Variants in STK31 observed in about 807,000 individuals in gnomAD.
The protein encoded by STK31 is serine/threonine kinase 31.
In STK31, 89 loss-of-function variants were observed where a neutral mutation model predicts 129.7. That is an observed-to-expected ratio of 0.69 (90% confidence interval 0.58 to 0.82). The LOEUF (loss-of-function observed/expected upper bound fraction) is 0.82. STK31 is among the 40% of genes least tolerant of loss of function. The pLI, the probability that STK31 is intolerant of heterozygous loss-of-function variation, is 0.00. For synonymous variants in STK31, 448 were observed against 395.3 expected, an observed-to-expected ratio of 1.13 and a Z score of -1.58; for missense variants, 1,187 against 1,176.4, an observed-to-expected ratio of 1.01 and a Z score of -0.13.
intron 22 of STK31, among the ~76,000 whole-genome samples, chr7:23,802,387 A>G (rs556979871): frequency 6.6e-6 from 1 of 152,348 alleles, no homozygotes; most frequent in Non-Finnish European, 1.5e-5. Flanking sequence ...TTGTTTATCC[A>G]GCAAGGTCTG....
intron 3 of STK31, among the ~76,000 whole-genome samples, chr7:23,715,648 A>T (rs570619107): frequency 2.5e-4 from 38 of 151,962 alleles, no homozygotes; most frequent in Non-Finnish European, 4.9e-4. Context: ...AGTTATATGG[A>T]ATATTTTGAT....
chr7:23,766,207 G>T (rs1026265664), intron 11 of STK31, among the ~76,000 whole-genome samples: 3 of 152,084 alleles, frequency 2.0e-5, no homozygotes, highest in Non-Finnish European at 4.4e-5. Context: ...AAGTTCAAAG[G>T]CCATGTTTCC....
At chr7:23,824,874 G>C (rs1465062021) in intron 23 of STK31, among the ~76,000 whole-genome samples, 4 of 151,568 alleles carry the variant, frequency 2.6e-5, no homozygotes, top group African/African-American at 4.9e-5. Context: ...TTTTGTCTTT[G>C]GTTCTGTTTA....
chr7:23,771,142 C>A lies in STK31; in HGVS notation c.1833+18C>A, dbSNP rs913068287. The stretch of plus-strand genomic sequence containing the variant: ...GTATTGAGGTTTGATTGTGCTTTCT[C>A]TTATTGATCTTATAAATTGATGATT... On this transcript the variant is annotated intron_variant, in intron 14 of 23. Coordinates refer to ENST00000355870, the MANE Select transcript of STK31 (RefSeq NM_031414.5). 3.3e-6 allele frequency: 5 copies of A among 1,526,524 alleles called. No individual in the cohort carries two copies. Among genetic ancestry groups the A allele is most frequent in the Non-Finnish European group, 4.4e-6 (5 of 1,143,352 alleles). The allele number at this position is 1,526,524 out of a possible 1,614,324, so 94.6% of individuals were successfully genotyped here.
intron 6 of STK31, 121 bp from the exon 7 acceptor site, chr7:23,735,417 C>T (rs1787659078): frequency 3.5e-6 from 3 of 855,210 alleles, no homozygotes; most frequent in Non-Finnish European, 5.4e-6. Flanking sequence ...TTATAGCCAA[C>T]AGCAAAGTAA....
At chr7:23,754,207 CA>C in intron 9 of STK31, 107 bp from the exon 10 acceptor site, 1 of 1,064,794 alleles carries the variant, frequency 9.4e-7, no homozygotes, top group Non-Finnish European at 1.3e-6. Flanking sequence ...CCTTCAAAGC[CA>C]GTGCTGTAAA....
In STK31 at chr7:23,772,413, T is replaced by C. The variant is rs1046815530; in HGVS notation, c.1965+135T>C. 6.9e-6 allele frequency: 6 copies of C among 874,074 alleles called. No individual in the cohort carries two copies. The African/African-American group carries it at 8.9e-5, about 13-fold the overall frequency. The allele number at this position is 874,074 out of a possible 1,614,324, so 54.1% of individuals were successfully genotyped here. A position where few individuals can be genotyped will look rare whatever the true frequency, so the allele number is the denominator to read the frequency against. On this transcript the variant is annotated intron_variant, in intron 15 of 23. Coordinates refer to ENST00000355870, the MANE Select transcript of STK31 (RefSeq NM_031414.5). ...CATTCACATTTTGTTTTATATACTT[T>C]ATCTTGTTTTCTGTGTATATAAATA... is the stretch of plus-strand genomic sequence containing the variant.
rs1787112091 is a variant in STK31 at position 23,726,794 on chromosome 7, C to T, written c.250-447C>T. 6.6e-5 allele frequency among the ~76,000 whole-genome samples: 10 copies of T among 152,060 alleles called. No homozygotes were observed. The South Asian group carries it at 2.1e-3, about 32-fold the overall frequency. On this transcript the variant is annotated intron_variant, in intron 4 of 23. Coordinates refer to ENST00000355870, the MANE Select transcript of STK31 (RefSeq NM_031414.5). ...ATACGTAAAGTAAAAAGTATGAAATCTTTCTTGCTTGGTAGGAAATATGAA... is the reference window on the plus strand; with the variant it reads ...ATACGTAAAGTAAAAAGTATGAAATTTTTCTTGCTTGGTAGGAAATATGAA...
intron 21 of STK31, among the ~76,000 whole-genome samples, chr7:23,790,292 G>T (rs1423693348): frequency 6.6e-6 from 1 of 152,050 alleles, no homozygotes; most frequent in Non-Finnish European, 1.5e-5. Flanking sequence ...TTTAAAAATG[G>T]ACAAAAAAGA....
At chr7:23,828,732 G>A (rs1794348198) in intron 23 of STK31, among the ~76,000 whole-genome samples, 1 of 152,094 alleles carries the variant, frequency 6.6e-6, no homozygotes, top group African/African-American at 2.4e-5. Context: ...GGCCATCTTG[G>A]CTCCACCCCC....
At chr7:23,820,752 C>T (rs937983782) in intron 23 of STK31, among the ~76,000 whole-genome samples, 2 of 152,194 alleles carry the variant, frequency 1.3e-5, no homozygotes, top group African/African-American at 4.8e-5. Flanking sequence ...ATAGCTCCGA[C>T]ATATGAGTGA....
intron 8 of STK31, among the ~76,000 whole-genome samples, chr7:23,747,834 C>A (rs1281317128): frequency 6.6e-6 from 1 of 152,116 alleles, no homozygotes; most frequent in Non-Finnish European, 1.5e-5. Flanking sequence ...CTGATACTGG[C>A]AATTTGTGTC....
chr7:23,820,004 T>G (rs1037036588), intron 23 of STK31, among the ~76,000 whole-genome samples: 5 of 152,186 alleles, frequency 3.3e-5, no homozygotes, highest in Admixed American at 6.5e-5. Context: ...GTGTGACATT[T>G]TAATAGTGTC....
chr7:23,779,378 TC>T (rs1790765294), intron 15 of STK31, among the ~76,000 whole-genome samples: 2 of 152,180 alleles, frequency 1.3e-5, no homozygotes, highest in Non-Finnish European at 2.9e-5. Flanking sequence ...TGCTGGGAGA[TC>T]CGCTGCTCTC....
chr7:23,745,901 T>C (rs1788322068), intron 8 of STK31, among the ~76,000 whole-genome samples: 1 of 152,068 alleles, frequency 6.6e-6, no homozygotes, highest in African/African-American at 2.4e-5. Flanking sequence ...CAGCCAGTAG[T>C]GGTGGTGGCT....
rs572580084 is a variant in STK31, at chr7:23,828,582, G to C, written c.2830-3554G>C. On this transcript the variant is annotated intron_variant, in intron 23 of 23. Coordinates refer to ENST00000355870, the MANE Select transcript of STK31 (RefSeq NM_031414.5). ...CTCGCCCTGCTTCAGCTCACGCATG[G>C]TGCGCTGCACCCACTGTCCTGCACC... Among the ~76,000 whole-genome samples the C allele has an allele frequency of 2.6e-5, 4 of 152,306 alleles. No individual in the cohort carries two copies. The East Asian group carries it at 7.7e-4, about 29-fold the overall frequency.
At chr7:23,755,521 A>C (rs2128095029) in intron 10 of STK31, among the ~76,000 whole-genome samples, 1 of 152,278 alleles carries the variant, frequency 6.6e-6, no homozygotes, top group South Asian at 2.1e-4. Flanking sequence ...CCATTTGTCA[A>C]TTTTGACTTT....
intron 22 of STK31, among the ~76,000 whole-genome samples, chr7:23,807,268 C>G (rs917439752): frequency 6.6e-6 from 1 of 152,008 alleles, no homozygotes; most frequent in African/African-American, 2.4e-5. Context: ...TGTCCTTTAT[C>G]TGAGAGCATC....
intron 23 of STK31, 38 bp downstream of exon 23, chr7:23,815,250 A>G (rs1201191554): frequency 1.5e-6 from 2 of 1,353,422 alleles, no homozygotes; most frequent in Non-Finnish European, 2.0e-6. Context: ...TTTGAAACAC[A>G]TGCAGTAATA....
Sources: allele counts gnomAD v4.1 joint callset (sites outside exome capture counted in the v4.1 genomes callset), GRCh38; gene constraint gnomAD v4.1.1; transcripts MANE v1.5; gene names NCBI Gene and HGNC (gene_info 2026-07-23, HGNC 2026-07-21).